Variants in NOL4 observed in about 807,000 individuals in gnomAD.
NOL4 encodes the protein cancer/testis antigen 125.
A neutral mutation model predicts 75.9 loss-of-function variants in NOL4; 17 were observed. The ratio of observed to expected loss-of-function variants is 0.22; its 90% CI spans 0.15 to 0.34. The LOEUF (loss-of-function observed/expected upper bound fraction) is 0.34. NOL4 is among the 10% of genes least tolerant of loss of function. The pLI is 1.00. For synonymous variants in NOL4, 292 were observed against 289.9 expected (o/e 1.01, Z -0.07); for missense variants, 614 against 793.5 (o/e 0.77, Z 2.72).
intron 9 of NOL4, among the ~76,000 whole-genome samples, chr18:33,939,911 CAGA>C (rs1307234201): frequency 6.6e-6 from 1 of 151,922 alleles, no homozygotes; most frequent in African/African-American, 2.4e-5. Context: ...AGACACTTCT[CAGA>C]AGAAGACATT....
At chr18:34,156,413 A>G (rs2030397942) in intron 1 of NOL4, among the ~76,000 whole-genome samples, 1 of 152,176 alleles carries the variant, frequency 6.6e-6, no homozygotes, top group East Asian at 1.9e-4. Flanking sequence ...AAGGCAGCTT[A>G]ACTCTGGAGC....
At chr18:33,908,313 C>T (rs1029270424) in intron 9 of NOL4, among the ~76,000 whole-genome samples, 10 of 152,208 alleles carry the variant, frequency 6.6e-5, no homozygotes, top group African/African-American at 2.4e-4. Context: ...AGTAGAAAAA[C>T]TTGGACTGAT....
intron 1 of NOL4, among the ~76,000 whole-genome samples, chr18:34,203,086 T>C (rs1286781396): frequency 1.3e-5 from 2 of 151,960 alleles, no homozygotes; most frequent in South Asian, 2.1e-4. Context: ...ACACATACTA[T>C]GAAATACTGC....
chr18:33,953,220 A>T (rs2069374199), intron 8 of NOL4, among the ~76,000 whole-genome samples: 1 of 77,290 alleles, frequency 1.3e-5, no homozygotes, highest in Non-Finnish European at 3.4e-5. Context: ...GTGGTTTCTA[A>T]ATTTCTTTTG....
chr18:33,879,838 C>T (rs193107901), intron 10 of NOL4, among the ~76,000 whole-genome samples: 1 of 151,904 alleles, frequency 6.6e-6, no homozygotes. Flanking sequence ...GAGCATATCT[C>T]TTTCTGTAAC....
At chr18:33,871,789 TG>T (rs2063713609) in intron 10 of NOL4, among the ~76,000 whole-genome samples, 2 of 152,040 alleles carry the variant, frequency 1.3e-5, no homozygotes, top group South Asian at 4.1e-4. Flanking sequence ...GCCTGATCAA[TG>T]TTGAACTATA....
intron 5 of NOL4, among the ~76,000 whole-genome samples, chr18:34,035,789 G>C (rs1440680251): frequency 6.6e-6 from 1 of 151,866 alleles, no homozygotes; most frequent in Non-Finnish European, 1.5e-5. Flanking sequence ...AATGAAAATG[G>C]AGACATTTCA....
chr18:33,951,252 C>T (rs1404829886), intron 8 of NOL4, among the ~76,000 whole-genome samples: 4 of 152,102 alleles, frequency 2.6e-5, no homozygotes, highest in Admixed American at 6.5e-5. Context: ...ATTTCTTTCC[C>T]CCTCACTCTG....
intron 1 of NOL4, among the ~76,000 whole-genome samples, chr18:34,208,350 C>T (rs967873126): frequency 2.0e-5 from 3 of 151,896 alleles, no homozygotes; most frequent in Non-Finnish European, 4.4e-5. Flanking sequence ...ATGAGCCCTA[C>T]CCTGACCCAG....
intron 8 of NOL4, 43 bp from the exon 9 acceptor site, chr18:33,943,221 T>C: frequency 7.4e-7 from 1 of 1,344,320 alleles, no homozygotes. Flanking sequence ...TTATTAACAG[T>C]ATCATTAACA....
intron 5 of NOL4, among the ~76,000 whole-genome samples, chr18:34,047,836 A>C (rs1600389980): frequency 1.3e-5 from 2 of 152,230 alleles, no homozygotes; most frequent in South Asian, 4.1e-4. Flanking sequence ...ATCAACAAAA[A>C]ATCCTGAAAG....
intron 1 of NOL4, among the ~76,000 whole-genome samples, chr18:34,184,080 T>C (rs1009798946): frequency 6.6e-6 from 1 of 151,806 alleles, no homozygotes; most frequent in African/African-American, 2.4e-5. Flanking sequence ...TCCCAAAGCA[T>C]ATAATGACAC....
chr18:33,933,313 GTCT>G (rs1173795445), intron 9 of NOL4, among the ~76,000 whole-genome samples: 2 of 152,124 alleles, frequency 1.3e-5, no homozygotes, highest in Non-Finnish European at 2.9e-5. Context: ...CTGATGGAGA[GTCT>G]TGACTCGATA....
intron 5 of NOL4, among the ~76,000 whole-genome samples, chr18:34,024,317 A>G (rs2075236709): frequency 6.7e-6 from 1 of 149,912 alleles, no homozygotes; most frequent in African/African-American, 2.5e-5. Context: ...CAAATTCACC[A>G]CAATTTTCCT....
intron 8 of NOL4, among the ~76,000 whole-genome samples, chr18:33,944,534 G>T (rs2068712083): frequency 6.6e-6 from 1 of 151,822 alleles, no homozygotes; most frequent in Admixed American, 6.6e-5. Context: ...GAGGCAAAAG[G>T]TAGGAAAGGT....
chr18:34,010,741 G>C (rs59231539), intron 6 of NOL4, among the ~76,000 whole-genome samples: 1 of 151,700 alleles, frequency 6.6e-6, no homozygotes, highest in Admixed American at 6.6e-5. Context: ...TTGAAGAAAA[G>C]CCATTTTAAC....
rs9960236 is a variant in NOL4, at chr18:34,115,725, G to A, written c.415-10565C>T. ...CCCTGAAGAACGGTAACCCTTTTTC[G>A]GGGACTTCTCTCTGCAGCAGAGAGC... On this transcript the variant is annotated intron_variant, in intron 2 of 10. Coordinates refer to ENST00000261592, the MANE Select transcript of NOL4 (RefSeq NM_003787.5). 1.6e-3 allele frequency among the ~76,000 whole-genome samples: 238 copies of A among 151,836 alleles called. 1 individual carries two copies. The highest frequency in any genetic ancestry group is 5.6e-3 in the African/African-American group (230 of 41,428).
chr18:34,122,469 C>T (rs2145849700), intron 2 of NOL4, among the ~76,000 whole-genome samples: 1 of 152,046 alleles, frequency 6.6e-6, no homozygotes, highest in Admixed American at 6.6e-5. Context: ...CATCTGTTAC[C>T]CCAAAAACAA....
chr18:34,107,551 C>T (rs1023055334), intron 2 of NOL4, among the ~76,000 whole-genome samples: 6 of 151,798 alleles, frequency 4.0e-5, no homozygotes, highest in Non-Finnish European at 7.4e-5. Context: ...TTCTTCCCCA[C>T]CTCATATTCA....
Sources: gnomAD v4.1 joint callset for allele counts (sites outside exome capture counted in the v4.1 genomes callset) on GRCh38, gnomAD v4.1.1 for gene constraint, MANE v1.5 for transcripts, NCBI Gene and HGNC (gene_info 2026-07-23, HGNC 2026-07-21) for gene names.